The following PPM1H variants were observed in gnomAD, a reference collection of about 807,000 sequenced individuals.
PPM1H encodes protein phosphatase 1H.
Under a neutral mutation model 54.9 loss-of-function variants are expected in PPM1H, and 27 were observed. The ratio of observed to expected loss-of-function variants is 0.49; its 90% CI spans 0.36 to 0.68. PPM1H has a LOEUF of 0.68. Among genes scored for constraint, PPM1H ranks in the 30% least tolerant of loss-of-function variants. The pLI is 0.00. For synonymous variants in PPM1H, 305 were observed against 270.8 expected (o/e 1.13, Z -1.24); for missense variants, 596 against 667.8 (o/e 0.89, Z 1.19).
chr12:62,747,712 T>C (rs1212671470), intron 4 of PPM1H, among the ~76,000 whole-genome samples: 1 of 152,226 alleles, frequency 6.6e-6, no homozygotes, highest in African/African-American at 2.4e-5. Context: ...AAAAACCTTT[T>C]GTCTTAAAAC....
intron 2 of PPM1H, among the ~76,000 whole-genome samples, chr12:62,825,693 T>C (rs553394567): frequency 6.6e-6 from 1 of 152,096 alleles, no homozygotes; most frequent in Admixed American, 6.5e-5. Flanking sequence ...TAAGAACACT[T>C]GGACACAGGG....
intron 9 of PPM1H, among the ~76,000 whole-genome samples, chr12:62,656,187 C>T (rs1258848104): frequency 6.6e-6 from 1 of 152,218 alleles, no homozygotes; most frequent in African/African-American, 2.4e-5. Flanking sequence ...CAGAAAAGGG[C>T]TCTGGGTGTA....
intron 9 of PPM1H, among the ~76,000 whole-genome samples, chr12:62,655,171 A>C (rs1406887396): frequency 6.6e-6 from 1 of 152,168 alleles, no homozygotes; most frequent in African/African-American, 2.4e-5. Context: ...AGCTTTCCTC[A>C]TAGATTCATT....
At chr12:62,663,928 T>G (rs949096509) in intron 9 of PPM1H, among the ~76,000 whole-genome samples, 1 of 151,032 alleles carries the variant, frequency 6.6e-6, no homozygotes, top group South Asian at 2.1e-4. Context: ...CAGGCGGAGG[T>G]TGCGGTGAGC....
chr12:62,699,225 T>C (rs543856306), intron 6 of PPM1H, among the ~76,000 whole-genome samples: 1 of 152,350 alleles, frequency 6.6e-6, no homozygotes, highest in South Asian at 2.1e-4. Context: ...AGATGGAGTT[T>C]CACTCTTGTC....
chr12:62,821,505 G>A (rs1190295292), intron 2 of PPM1H, among the ~76,000 whole-genome samples: 1 of 152,182 alleles, frequency 6.6e-6, no homozygotes, highest in African/African-American at 2.4e-5. Flanking sequence ...AGGAAAAAAT[G>A]TTAAGGGCAG....
chr12:62,923,499 T>C (rs1208995318), intron 1 of PPM1H, among the ~76,000 whole-genome samples: 1 of 152,138 alleles, frequency 6.6e-6, no homozygotes, highest in Non-Finnish European at 1.5e-5. Context: ...CCTCCCGGGT[T>C]CAAGCGATTC....
chr12:62,755,139 A>G (rs1461952403), intron 4 of PPM1H: 3 of 431,886 alleles, frequency 6.9e-6, no homozygotes, highest in Admixed American at 7.0e-5. Flanking sequence ...GTATATTTAA[A>G]TTGTACATAA....
chr12:62,654,579 G>C (rs949072782), intron 9 of PPM1H, among the ~76,000 whole-genome samples: 1 of 152,142 alleles, frequency 6.6e-6, no homozygotes, highest in Non-Finnish European at 1.5e-5. Context: ...TTGGCCGCTT[G>C]GTCCTCTTCC....
chr12:62,802,454 T>C (rs547111338), intron 2 of PPM1H, among the ~76,000 whole-genome samples: 107 of 151,690 alleles, frequency 7.1e-4, no homozygotes, highest in Non-Finnish European at 1.4e-3. Flanking sequence ...ACTAAGCTAC[T>C]ACTTGGAGGG....
chr12:62,754,064 A>T (rs1344082935), intron 4 of PPM1H, among the ~76,000 whole-genome samples: 1 of 152,248 alleles, frequency 6.6e-6, no homozygotes, highest in Non-Finnish European at 1.5e-5. Flanking sequence ...AAAGGGATCA[A>T]ATCCTCTGAC....
At chr12:62,707,785 G>A (rs899691849) in intron 6 of PPM1H, among the ~76,000 whole-genome samples, 2 of 152,052 alleles carry the variant, frequency 1.3e-5, no homozygotes, top group African/African-American at 4.8e-5. Context: ...TTTCTGCTTT[G>A]TATCTTCAAT....
intron 4 of PPM1H, among the ~76,000 whole-genome samples, chr12:62,763,331 ATCAACC>A (rs2076521603): frequency 6.6e-6 from 1 of 152,182 alleles, no homozygotes; most frequent in African/African-American, 2.4e-5. Context: ...AACCATGGCC[ATCAACC>A]GCACACCATG....
intron 9 of PPM1H, among the ~76,000 whole-genome samples, chr12:62,657,668 CT>C (rs1216401125): frequency 6.6e-6 from 1 of 152,114 alleles, no homozygotes; most frequent in African/African-American, 2.4e-5. Context: ...TTTTGAAAAC[CT>C]TATGGCATGC....
chr12:62,858,954 T>A (rs1369761590), intron 1 of PPM1H, among the ~76,000 whole-genome samples: 1 of 152,246 alleles, frequency 6.6e-6, no homozygotes, highest in Non-Finnish European at 1.5e-5. Flanking sequence ...TTTCTTCCTT[T>A]ATTCTAATTG....
At chr12:62,677,490 C>T (rs569581961) in intron 8 of PPM1H, among the ~76,000 whole-genome samples, 1 of 152,318 alleles carries the variant, frequency 6.6e-6, no homozygotes, top group Admixed American at 6.5e-5. Context: ...AGCTTTCAGG[C>T]ACCACCATGT....
chr12:62,753,765 C>CTGG (rs763777174), intron 4 of PPM1H, among the ~76,000 whole-genome samples: 5 of 152,048 alleles, frequency 3.3e-5, no homozygotes, highest in Admixed American at 6.5e-5. Context: ...CCCCCTCTCT[C>CTGG]TGGCTTTCTC....
At chr12:62,809,353 T>C (rs2076822733) in intron 2 of PPM1H, among the ~76,000 whole-genome samples, 1 of 152,188 alleles carries the variant, frequency 6.6e-6, no homozygotes, top group Non-Finnish European at 1.5e-5. Flanking sequence ...GCCCGGCCTG[T>C]ACACTTATTT....
intron 4 of PPM1H, among the ~76,000 whole-genome samples, chr12:62,757,871 G>A (rs916646376): frequency 6.6e-6 from 1 of 152,128 alleles, no homozygotes; most frequent in Non-Finnish European, 1.5e-5. Flanking sequence ...CCCATTGGCT[G>A]GTCTCATTCA....
Sources: gnomAD v4.1 joint callset for allele counts (sites outside exome capture counted in the v4.1 genomes callset) on GRCh38, gnomAD v4.1.1 for gene constraint, MANE v1.5 for transcripts, NCBI Gene and HGNC (gene_info 2026-07-23, HGNC 2026-07-21) for gene names.